Variants in GSPT1 observed in about 807,000 individuals in gnomAD.
The protein encoded by GSPT1 is eukaryotic peptide chain release factor GTP-binding subunit ERF3A.
Under a neutral mutation model 72.5 loss-of-function variants are expected in GSPT1, and 20 were observed. That is an observed-to-expected ratio of 0.28 (90% CI 0.19 to 0.40). The LOEUF (loss-of-function observed/expected upper bound fraction) is 0.40. GSPT1 is among the 10% of genes least tolerant of loss of function. The pLI is 1.00. For synonymous variants in GSPT1, 334 were observed against 293.5 expected (o/e 1.14, Z -1.41); for missense variants, 580 against 811.9 (o/e 0.71, Z 3.47).
chr16:11,900,513 AC>A (rs2054393018), intron 1 of GSPT1, among the ~76,000 whole-genome samples: 1 of 151,936 alleles, frequency 6.6e-6, no homozygotes. Context: ...GCTCATTCCC[AC>A]CAAAAGCCTT....
At chr16:11,897,212 T>C (rs558879760) in intron 3 of GSPT1, among the ~76,000 whole-genome samples, 17 of 152,314 alleles carry the variant, frequency 1.1e-4, no homozygotes, top group South Asian at 1.0e-3. Flanking sequence ...AATAAAACTT[T>C]GGCATCAACT....
At position 11,886,821 on chromosome 16, in the gene GSPT1, T is replaced by C; in HGVS notation, c.1068A>G (p.Leu356=). The change falls in exon 8 of 15, where the codon CTA becomes CTG. Residue 356 remains leucine (L), a synonymous_variant. Coordinates refer to ENST00000434724, the MANE Select transcript of GSPT1 (RefSeq NM_002094.4). ...KTAGVKHLIV[L]INKMDDPTVN... ...CTGTTGGATCATCCATCTTATTAAT[T>C]AGCACAATTAGGTGTTTTACACCTG... 1 of 1,613,424 alleles carries C rather than the reference T, an allele frequency of 6.2e-7. No individual in the cohort carries two copies. Among genetic ancestry groups the C allele is most frequent in the South Asian group, 1.1e-5 (1 of 91,048 alleles).
At chr16:11,873,410 C>CA (rs1455974050) in intron 14 of GSPT1, among the ~76,000 whole-genome samples, 1 of 152,164 alleles carries the variant, frequency 6.6e-6, no homozygotes, top group African/African-American at 2.4e-5. Flanking sequence ...CCGTACCCCC[C>CA]AAACAATTCT....
chr16:11,877,635 C>T lies in GSPT1; in HGVS notation c.1429-55G>A. The T allele has an allele frequency of 9.3e-7, 1 of 1,075,166 alleles. No individual in the cohort carries two copies. The allele number at this position is 1,075,166 out of a possible 1,614,324, so 66.6% of individuals were successfully genotyped here. ...CTGACACATTCACTGCATTACGCAACATAAAATGATCTGAATGTCTGTCTG... is the reference window on the plus strand; with the variant it reads ...CTGACACATTCACTGCATTACGCAATATAAAATGATCTGAATGTCTGTCTG... On this transcript the variant is annotated intron_variant, in intron 11 of 14. Transcript: ENST00000434724. This position sits in a 1 kb window ranked among gnomAD's most constrained non-coding sequence, Gnocchi z 4.0.
Position 11,906,417 on chromosome 16 carries a change from G to C in GSPT1, c.353-8382C>G, listed in dbSNP as rs572141873. ...AGGCCAAGCTAAGAGGGTTGCTTGAGGCCAAGAGTTCAAGACCAGCCAGGG... is the reference window on the plus strand; with the variant it reads ...AGGCCAAGCTAAGAGGGTTGCTTGACGCCAAGAGTTCAAGACCAGCCAGGG... On this transcript the variant is annotated intron_variant, in intron 1 of 14. Transcript: ENST00000434724. Among the ~76,000 whole-genome samples the C allele has an allele frequency of 3.9e-5, 6 of 152,274 alleles. No homozygotes were observed. In the South Asian group the frequency reaches 1.2e-3, roughly 32 times the overall value.
Position 11,885,270 on chromosome 16 carries a change from A to G in GSPT1, c.1258T>C (p.Leu420=). The change falls in exon 10 of 15, where the codon TTA becomes CTA. Residue 420 remains leucine (L), a synonymous_variant. Transcript: ENST00000434724. ...TTATCCAGATATGGAATAAACGGTA[A>G]TCCACTGAGAACATAACAACAAAGC... ...QSDFCPWYIG[L]PFIPYLDNLP... is the part of the protein sequence containing the mutation. 1.3e-6 allele frequency: 2 copies of G among 1,493,116 alleles called. No individual in the cohort carries two copies. The highest frequency in any genetic ancestry group is 9.3e-7 in the Non-Finnish European group (1 of 1,070,360). 92.5% of individuals were successfully genotyped at this position (1,493,116 alleles called of 1,614,324 possible).
intron 13 of GSPT1, 74 bp from the exon 14 acceptor site, chr16:11,876,003 A>G: frequency 6.8e-7 from 1 of 1,473,796 alleles, no homozygotes; most frequent in Admixed American, 1.7e-5. Flanking sequence ...GTGTAGAAAT[A>G]AAAGTGCATC....
In GSPT1 at chr16:11,915,664, G is replaced by A; in HGVS notation, c.57C>T (p.Ser19=). 1 of 1,485,374 alleles carries A rather than the reference G, an allele frequency of 6.7e-7. No homozygotes were observed. Among genetic ancestry groups the A allele is most frequent in the South Asian group, 1.3e-5 (1 of 79,438 alleles). 92.0% of individuals were successfully genotyped at this position (1,485,374 alleles called of 1,614,324 possible). A position where few individuals can be genotyped will look rare whatever the true frequency, so the allele number is the denominator to read the frequency against. Residue 19 remains serine (S), a synonymous_variant, in exon 1 of 15, where the codon AGC becomes AGT. Transcript: ENST00000434724. ...GGGGGGGGSS[S]GSSSSDSAPD... is the part of the protein sequence containing the mutation. ...GCGCCGAGTCGCTGCTGCTGCTGCC[G>A]CTGCTGCTCCCGCCGCCGCCGCCGC... is the stretch of plus-strand genomic sequence containing the variant.
rs1041429828 is a variant in GSPT1 at position 11,872,403 on chromosome 16, A to C, written c.*716T>G. 1 of 152,006 alleles carries C rather than the reference A, an allele frequency of 6.6e-6. No homozygotes were observed. Among genetic ancestry groups the C allele is most frequent in the Non-Finnish European group, 1.5e-5 (1 of 67,988 alleles). 9.4% of individuals were successfully genotyped at this position (152,006 alleles called of 1,614,324 possible). A position where few individuals can be genotyped will look rare whatever the true frequency, so the allele number is the denominator to read the frequency against. On this transcript the variant is annotated 3_prime_UTR_variant, in exon 15 of 15. Transcript: ENST00000434724. The stretch of plus-strand genomic sequence containing the variant: ...TGGCAAAAAAAAAAAAAATAAATAA[A>C]TAACTAAAAGACCTAGTAAAGCAGT...
chr16:11,915,160 C>A, intron 1 of GSPT1: 1 of 1,027,734 alleles, frequency 9.7e-7, no homozygotes. Context: ...GGCGCGCTGC[C>A]CGCTGTCCGC....
chr16:11,879,632 C>G (rs28567665), intron 11 of GSPT1, among the ~76,000 whole-genome samples: 65,147 of 150,236 alleles, frequency 0.43, 16,828 homozygotes, highest in Non-Finnish European at 0.59. Context: ...ACTTGGGAGG[C>G]TGAGGCAGGA....
At chr16:11,904,178 A>C in intron 1 of GSPT1, 1 of 196,760 alleles carries the variant, frequency 5.1e-6, no homozygotes, top group Non-Finnish European at 1.2e-5. Flanking sequence ...CCTCAACACC[A>C]ACATCATTCC....
chr16:11,891,952 C>G (rs559720857), intron 5 of GSPT1, among the ~76,000 whole-genome samples: 1 of 152,222 alleles, frequency 6.6e-6, no homozygotes, highest in Non-Finnish European at 1.5e-5. Flanking sequence ...TGAGAACCAC[C>G]ACGCCTGGCC....
chr16:11,887,524 G>A lies in GSPT1; in HGVS notation c.957+46C>T, dbSNP rs370423198. ...TAAATTCAAATTTAAAGATATAAGC[G>A]GGGCTACTAACAAATATACAGATGG... On this transcript the variant is annotated intron_variant, in intron 7 of 14. Coordinates refer to ENST00000434724, the MANE Select transcript of GSPT1 (RefSeq NM_002094.4). 3.1e-5 allele frequency: 45 copies of A among 1,452,756 alleles called. No individual in the cohort carries two copies. The Middle Eastern group carries it at 5.3e-4, about 17-fold the overall frequency. The allele number at this position is 1,452,756 out of a possible 1,614,324, so 90.0% of individuals were successfully genotyped here.
chr16:11,887,023 T>C, intron 7 of GSPT1, 92 bp from the exon 8 acceptor site: 1 of 750,102 alleles, frequency 1.3e-6, no homozygotes, highest in Non-Finnish European at 2.0e-6. Flanking sequence ...TATCACGAGT[T>C]TTTTTTTTTT....
intron 14 of GSPT1, among the ~76,000 whole-genome samples, chr16:11,874,454 CTTTTTTTTTTTTTTT>C (rs200991035): frequency 4.8e-4 from 46 of 95,934 alleles, no homozygotes; most frequent in African/African-American, 8.8e-4. Context: ...GCCAAGTTAG[CTTTTTTTTTTTTTTT>C]TTTTTTTTTT....
chr16:11,888,679 T>C lies in GSPT1; in HGVS notation c.777-929A>G, dbSNP rs1279044093. Reference sequence around the variant, plus strand: ...CGGGAGGCTGAGGCAGGAGAATCGCTTGAACCCAGGAGGCGGAGGTTGCAG... The same window carrying C: ...CGGGAGGCTGAGGCAGGAGAATCGCCTGAACCCAGGAGGCGGAGGTTGCAG... On this transcript the variant is annotated intron_variant, in intron 6 of 14. Transcript: ENST00000434724. 3.3e-5 allele frequency among the ~76,000 whole-genome samples: 5 copies of C among 151,938 alleles called. 1 individual carries two copies. The East Asian group carries it at 9.8e-4, about 30-fold the overall frequency.
intron 6 of GSPT1, among the ~76,000 whole-genome samples, chr16:11,889,965 CTTTTTTTT>C (rs78081535): frequency 7.3e-6 from 1 of 137,682 alleles, no homozygotes; most frequent in African/African-American, 2.7e-5. Context: ...TTCCTTTTTT[CTTTTTTTT>C]TTTTTGACAT....
upstream of GSPT1, among the ~76,000 whole-genome samples, chr16:11,916,652 T>C (rs2054640880): frequency 6.6e-6 from 1 of 152,202 alleles, no homozygotes; most frequent in Non-Finnish European, 1.5e-5. Context: ...AAAACTGCAG[T>C]GTGGCTCATA....
Sources: gnomAD v4.1 joint callset for allele counts (sites outside exome capture counted in the v4.1 genomes callset) on GRCh38, gnomAD v4.1.1 for gene constraint, Gnocchi (gnomAD v3.1) non-coding constraint, MANE v1.5 for transcripts, NCBI Gene and HGNC (gene_info 2026-07-23, HGNC 2026-07-21) for gene names.